The following MBOAT2 variants were observed in gnomAD, a reference collection of about 807,000 sequenced individuals.
The protein encoded by MBOAT2 is membrane bound glycerophospholipid O-acyltransferase 2.
MBOAT2 carries 28 observed loss-of-function variants against 63.4 expected under a neutral mutation model. That is an observed-to-expected ratio of 0.44 (90% CI 0.33 to 0.61). The LOEUF is 0.61. Ranked by LOEUF, MBOAT2 falls within the 20% of genes least tolerant of loss-of-function variation. The pLI, the probability that MBOAT2 is intolerant of heterozygous loss-of-function variation, is 0.03. For missense variants in MBOAT2, 470 were observed against 605.8 expected, an observed-to-expected ratio of 0.78 and a Z score of 2.35; for synonymous variants, 211 against 215.6, an observed-to-expected ratio of 0.98 and a Z score of 0.19.
rs186620485 is a variant in MBOAT2, at chr2:8,905,014, G to A, written c.395+3607C>T. Among the ~76,000 whole-genome samples the A allele has an allele frequency of 3.2e-3, 486 of 151,982 alleles. 8 individuals carry two copies. Among genetic ancestry groups the A allele is most frequent in the Non-Finnish European group, 3.6e-3 (245 of 67,970 alleles). Reference sequence around the variant, plus strand: ...TTTACACATACACACACACACACGCGCGCAGTTTCTCCATACTCTTGTGCA... The same window carrying A: ...TTTACACATACACACACACACACGCACGCAGTTTCTCCATACTCTTGTGCA... On this transcript the variant is annotated intron_variant, in intron 4 of 12. Transcript: ENST00000305997.
intron 2 of MBOAT2, among the ~76,000 whole-genome samples, chr2:8,957,017 T>G (rs1011475998): frequency 6.6e-6 from 1 of 152,206 alleles, no homozygotes; most frequent in Non-Finnish European, 1.5e-5. Flanking sequence ...CAATGCATTA[T>G]GAAAATATGC....
At chr2:8,896,918 C>G (rs945759928) in intron 4 of MBOAT2, among the ~76,000 whole-genome samples, 10 of 152,176 alleles carry the variant, frequency 6.6e-5, no homozygotes, top group African/African-American at 2.2e-4. Context: ...CGTTAGGAAA[C>G]CTGCTGGGTT....
chr2:8,964,063 G>A (rs1328678642), intron 1 of MBOAT2, among the ~76,000 whole-genome samples: 2 of 152,164 alleles, frequency 1.3e-5, no homozygotes, highest in African/African-American at 4.8e-5. Context: ...CTCTAGGAAG[G>A]AGGTAATGGA....
chr2:8,979,623 C>G (rs556157234), intron 1 of MBOAT2, among the ~76,000 whole-genome samples: 3 of 152,028 alleles, frequency 2.0e-5, no homozygotes, highest in Non-Finnish European at 4.4e-5. Flanking sequence ...TTGTATTATT[C>G]CAAATTTAGG....
At chr2:8,872,818 A>C (rs1172626648) in intron 8 of MBOAT2, among the ~76,000 whole-genome samples, 1 of 152,256 alleles carries the variant, frequency 6.6e-6, no homozygotes, top group African/African-American at 2.4e-5. Context: ...TGTCTTATAC[A>C]TACTCGTATC....
intron 1 of MBOAT2, among the ~76,000 whole-genome samples, chr2:8,959,519 T>C (rs1222975628): frequency 1.3e-5 from 2 of 151,274 alleles, no homozygotes; most frequent in African/African-American, 4.9e-5. Context: ...TGGACTGCAG[T>C]GGTGAAATCA....
At chr2:8,999,835 T>C (rs1672560818) in intron 1 of MBOAT2, among the ~76,000 whole-genome samples, 1 of 152,268 alleles carries the variant, frequency 6.6e-6, no homozygotes, top group Non-Finnish European at 1.5e-5. Flanking sequence ...CACTTGATAA[T>C]AGATTCTACA....
At chr2:8,908,763 G>C (rs1558602156) in intron 3 of MBOAT2, 47 bp from the exon 4 acceptor site, 2 of 1,132,296 alleles carry the variant, frequency 1.8e-6, no homozygotes, top group Admixed American at 1.9e-5. Flanking sequence ...GACTCATTTT[G>C]TTAAAGAGTA....
chr2:8,931,302 T>C (rs1373696710), intron 3 of MBOAT2, among the ~76,000 whole-genome samples: 1 of 152,220 alleles, frequency 6.6e-6, no homozygotes, highest in African/African-American at 2.4e-5. Flanking sequence ...TTTTTTAATA[T>C]GTTTGTTGGT....
At chr2:8,948,731 C>G (rs1259430922) in intron 2 of MBOAT2, among the ~76,000 whole-genome samples, 1 of 152,182 alleles carries the variant, frequency 6.6e-6, no homozygotes, top group Non-Finnish European at 1.5e-5. Context: ...TTTTCTTCAT[C>G]CAGTCCAGCA....
Position 8,862,359 on chromosome 2 carries a change from A to T in MBOAT2, c.1185+231T>A. The T allele has an allele frequency of 6.9e-7, 1 of 1,444,818 alleles. No individual in the cohort carries two copies. The highest frequency in any genetic ancestry group is 1.2e-5 in the South Asian group (1 of 81,048). 89.5% of individuals were successfully genotyped at this position (1,444,818 alleles called of 1,614,324 possible). On this transcript the variant is annotated intron_variant, in intron 11 of 12. Coordinates refer to ENST00000305997, the MANE Select transcript of MBOAT2 (RefSeq NM_138799.4). This position sits in a 1 kb window ranked among gnomAD's most constrained non-coding sequence, Gnocchi z 4.3. ...AAGTAACATTTTGTGAGTGCCTCCT[A>T]CCTGCCGGGCACATAGAAACGTGTT...
intron 1 of MBOAT2, among the ~76,000 whole-genome samples, chr2:8,970,982 T>C (rs1044781981): frequency 2.6e-4 from 40 of 152,160 alleles, no homozygotes; most frequent in African/African-American, 9.2e-4. Context: ...TTCCAATCAA[T>C]AGAAAAAGAG....
chr2:8,958,523 A>G lies in MBOAT2; in HGVS notation c.195T>C (p.Leu65=), dbSNP rs1206899602. ...ATCCAAAGCAAAAAAGTGCAAGATA[A>G]AGGCCCAAAAGGGTAGCAACTACAT... ...IRHVVATLLG[L]YLALFCFGWY... The change falls in exon 2 of 13, where the codon CTT becomes CTC. Residue 65 remains leucine, a synonymous_variant. Transcript: ENST00000305997. 6.3e-7 allele frequency: 1 copy of G among 1,599,612 alleles called. No individual in the cohort carries two copies. Among genetic ancestry groups the G allele is most frequent in the Admixed American group, 1.8e-5 (1 of 55,546 alleles).
At chr2:8,908,950 C>T (rs1665517860) in intron 3 of MBOAT2, among the ~76,000 whole-genome samples, 1 of 152,146 alleles carries the variant, frequency 6.6e-6, no homozygotes, top group African/African-American at 2.4e-5. Context: ...TTCTGAGAGA[C>T]ATACACACAC....
chr2:8,957,867 GTT>G (rs1558655900), intron 2 of MBOAT2, among the ~76,000 whole-genome samples: 1 of 152,064 alleles, frequency 6.6e-6, no homozygotes, highest in Non-Finnish European at 1.5e-5. Flanking sequence ...GCTAACATTT[GTT>G]TGTTACTTCC....
Position 8,862,805 on chromosome 2 carries a change from C to A in MBOAT2, c.1053-83G>T. 1 of 1,485,810 alleles carries A rather than the reference C, an allele frequency of 6.7e-7. No individual in the cohort carries two copies. The highest frequency in any genetic ancestry group is 1.4e-5 in the South Asian group (1 of 74,040). 92.0% of individuals were successfully genotyped at this position (1,485,810 alleles called of 1,614,324 possible). ...GCCTGCAATGATCATTCTTTTATTA[C>A]CTGACAGGATTTAGGGTAACTAGAA... On this transcript the variant is annotated intron_variant, in intron 10 of 12. Transcript: ENST00000305997. This position sits in a 1 kb window ranked among gnomAD's most constrained non-coding sequence, Gnocchi z 4.3.
At chr2:9,002,558 CAA>C (rs766404500) in intron 1 of MBOAT2, among the ~76,000 whole-genome samples, 9 of 152,218 alleles carry the variant, frequency 5.9e-5, no homozygotes, top group Non-Finnish European at 8.8e-5. Flanking sequence ...GCAAAATTTC[CAA>C]AGTTAACTAC....
At chr2:8,906,282 G>A (rs925411822) in intron 4 of MBOAT2, among the ~76,000 whole-genome samples, 27 of 152,188 alleles carry the variant, frequency 1.8e-4, no homozygotes, top group African/African-American at 5.5e-4. Context: ...CTAAAGTCAC[G>A]TCCTATACAG....
At chr2:8,891,439 C>T (rs973111661) in intron 4 of MBOAT2, among the ~76,000 whole-genome samples, 1 of 152,110 alleles carries the variant, frequency 6.6e-6, no homozygotes, top group Admixed American at 6.5e-5. Flanking sequence ...CTCACCCTTC[C>T]GCAGCAGGAA....
Sources: allele counts gnomAD v4.1 joint callset (sites outside exome capture counted in the v4.1 genomes callset), GRCh38; gene constraint gnomAD v4.1.1; non-coding constraint Gnocchi (gnomAD v3.1); transcripts MANE v1.5; gene names NCBI Gene and HGNC (gene_info 2026-07-23, HGNC 2026-07-21).